APBB2: variants seen among roughly 807,000 people sequenced by gnomAD.
APBB2 encodes the protein amyloid beta precursor protein binding family B member 2, also known as Fe65-like 1.
A neutral mutation model predicts 82.5 loss-of-function variants in APBB2; 38 were observed. The ratio of observed to expected loss-of-function variants is 0.46; its 90% CI spans 0.36 to 0.60. APBB2 has a LOEUF of 0.60. Ranked by LOEUF, APBB2 falls within the 20% of genes least tolerant of loss-of-function variation. The pLI is 0.00. For missense variants in APBB2, 772 were observed against 972.3 expected, an observed-to-expected ratio of 0.79 and a Z score of 2.74; for synonymous variants, 341 against 368.2, an observed-to-expected ratio of 0.93 and a Z score of 0.85.
At chr4:40,927,861 G>GT (rs1783026562) in intron 10 of APBB2, among the ~76,000 whole-genome samples, 1 of 152,190 alleles carries the variant, frequency 6.6e-6, no homozygotes, top group African/African-American at 2.4e-5. Context: ...TCTGAGCGGA[G>GT]TTACACAAAG....
At chr4:40,914,616 A>G (rs1779400504) in intron 10 of APBB2, among the ~76,000 whole-genome samples, 1 of 152,214 alleles carries the variant, frequency 6.6e-6, no homozygotes, top group South Asian at 2.1e-4. Context: ...ATGGAAACAC[A>G]TAAAACAAGG....
In APBB2 at chr4:40,843,222, A is replaced by G. The variant is rs1018325214; in HGVS notation, c.1530-12645T>C. Among the ~76,000 whole-genome samples, 4 of 152,324 alleles carry G rather than the reference A, an allele frequency of 2.6e-5. No homozygotes were observed. In the East Asian group the frequency reaches 7.7e-4, roughly 29 times the overall value. ...TAACGAGGAGGAAAGGAAGAAACCC[A>G]ATGTTTACAGAAACCCGTTCTCTCG... On this transcript the variant is annotated intron_variant, in intron 12 of 17. Coordinates refer to ENST00000508593, the MANE Select transcript of APBB2 (RefSeq NM_004307.2).
Position 40,838,136 on chromosome 4 carries a change from C to CATTATT in APBB2, c.1530-7565_1530-7560dup, listed in dbSNP as rs68050698. 2.7e-3 allele frequency among the ~76,000 whole-genome samples: 390 copies of CATTATT among 142,170 alleles called. 2 individuals are homozygous for CATTATT. Among genetic ancestry groups the CATTATT allele is most frequent in the Middle Eastern group, 7.2e-3 (2 of 276 alleles). 93.3% of individuals were successfully genotyped at this position (142,170 alleles called of 152,430 possible). On this transcript the variant is annotated intron_variant, in intron 12 of 17. Transcript: ENST00000508593. ...ATAAATGATTCTTTATTCAAGTGGG[C>CATTATT]ATTATTATTATTATTATTATTATTA...
intron 6 of APBB2, among the ~76,000 whole-genome samples, chr4:41,007,410 C>T (rs756567834): frequency 3.9e-5 from 6 of 152,064 alleles, no homozygotes; most frequent in South Asian, 2.1e-4. Context: ...TCAGGTATTT[C>T]GTTATAGCAA....
intron 6 of APBB2, among the ~76,000 whole-genome samples, chr4:40,955,765 T>C (rs1463223430): frequency 1.3e-5 from 2 of 151,768 alleles, no homozygotes; most frequent in Non-Finnish European, 2.9e-5. Context: ...AACCAAAACA[T>C]ATTTTTCTTT....
Position 40,813,460 on chromosome 4 carries a change from C to G in APBB2, c.*2632G>C, listed in dbSNP as rs975585812. 5 of 152,170 alleles carry G rather than the reference C, an allele frequency of 3.3e-5. No individual in the cohort carries two copies. Among genetic ancestry groups the G allele is most frequent in the African/African-American group, 9.6e-5 (4 of 41,454 alleles). The allele number at this position is 152,170 out of a possible 1,614,324, so 9.4% of individuals were successfully genotyped here. ...AGATATCAGGTAAAACATTGGCATC[C>G]TTTTACAAACAAATACACACATACT... On this transcript the variant is annotated 3_prime_UTR_variant, in exon 18 of 18. Transcript: ENST00000508593.
chr4:40,948,070 T>C (rs1333744806), intron 6 of APBB2, among the ~76,000 whole-genome samples: 3 of 152,212 alleles, frequency 2.0e-5, no homozygotes, highest in African/African-American at 7.2e-5. Context: ...CTTGATGGCA[T>C]ATGTGAACGT....
chr4:40,893,093 TA>T, intron 11 of APBB2, 171 bp downstream of exon 11: 1 of 680,008 alleles, frequency 1.5e-6, no homozygotes, highest in Non-Finnish European at 2.4e-6. Context: ...CTGGCAGTGC[TA>T]AGGGATCAGT....
rs1194282599 is a variant in APBB2 at position 40,832,945 on chromosome 4, G to T, written c.1530-2368C>A. On this transcript the variant is annotated intron_variant, in intron 12 of 17. Transcript: ENST00000508593. The surrounding 1 kb of genome is among the most constrained non-coding windows in gnomAD (Gnocchi z 4.8). ...TTGCTCAGTACTGAATGGGTTCCAC[G>T]ACTGGGCTCGGGGGTGGGTTGGGGC... Among the ~76,000 whole-genome samples, 1 of 152,122 alleles carries T rather than the reference G, an allele frequency of 6.6e-6. No individual in the cohort carries two copies. The highest frequency in any genetic ancestry group is 1.5e-5 in the Non-Finnish European group (1 of 68,030).
At chr4:41,162,390 A>AT (rs1765405906) in intron 1 of APBB2, among the ~76,000 whole-genome samples, 1 of 152,030 alleles carries the variant, frequency 6.6e-6, no homozygotes, top group Non-Finnish European at 1.5e-5. Context: ...CAATTGTACC[A>AT]TGGGGACGAT....
At chr4:41,109,138 C>T (rs1748268405) in intron 2 of APBB2, among the ~76,000 whole-genome samples, 1 of 152,116 alleles carries the variant, frequency 6.6e-6, no homozygotes, top group African/African-American at 2.4e-5. Context: ...CCATGGTTCT[C>T]GCTGTAATCC....
intron 2 of APBB2, among the ~76,000 whole-genome samples, chr4:41,117,051 C>T (rs1751221836): frequency 6.6e-6 from 1 of 152,000 alleles, no homozygotes; most frequent in African/African-American, 2.4e-5. Context: ...AAATGTTGCC[C>T]TCTCTAGGAA....
intron 1 of APBB2, among the ~76,000 whole-genome samples, chr4:41,201,138 T>C (rs1336251430): frequency 6.6e-6 from 1 of 152,224 alleles, no homozygotes; most frequent in Non-Finnish European, 1.5e-5. Flanking sequence ...ACCTTTATAA[T>C]TCCTATAGGA....
At chr4:41,047,001 T>A (rs1023307384) in intron 4 of APBB2, among the ~76,000 whole-genome samples, 1 of 152,232 alleles carries the variant, frequency 6.6e-6, no homozygotes, top group African/African-American at 2.4e-5. Flanking sequence ...TAGCCTGCCT[T>A]GGTAGTGAGA....
At chr4:41,023,355 G>T (rs1712540586) in intron 5 of APBB2, among the ~76,000 whole-genome samples, 1 of 152,136 alleles carries the variant, frequency 6.6e-6, no homozygotes, top group Non-Finnish European at 1.5e-5. Flanking sequence ...ACGCCTTGAG[G>T]AAAGTGACTA....
At chr4:41,040,718 C>T (rs1721023794) in intron 4 of APBB2, among the ~76,000 whole-genome samples, 1 of 152,082 alleles carries the variant, frequency 6.6e-6, no homozygotes, top group Non-Finnish European at 1.5e-5. Flanking sequence ...ATTCTCACCA[C>T]ATTACTAGGG....
intron 2 of APBB2, among the ~76,000 whole-genome samples, chr4:41,139,858 TC>T (rs1192968364): frequency 6.6e-6 from 1 of 152,172 alleles, no homozygotes; most frequent in Non-Finnish European, 1.5e-5. Context: ...TTATGAAAGC[TC>T]ATAGAACATA....
In APBB2 at chr4:40,907,801, A is replaced by G. The variant is rs557398169; in HGVS notation, c.1255-14390T>C. ...CCTCCCCTGAGTAGACGGGACTACA[A>G]GTGTGCACCACCATGCCTGCTAATT... On this transcript the variant is annotated intron_variant, in intron 10 of 17. Coordinates refer to ENST00000508593, the MANE Select transcript of APBB2 (RefSeq NM_004307.2). Among the ~76,000 whole-genome samples, 167 of 150,844 alleles carry G rather than the reference A, an allele frequency of 1.1e-3. 1 individual carries two copies. Among genetic ancestry groups the G allele is most frequent in the Middle Eastern group, 3.5e-3 (1 of 286 alleles).
intron 1 of APBB2, among the ~76,000 whole-genome samples, chr4:41,194,971 C>T: frequency 6.6e-6 from 1 of 152,126 alleles, no homozygotes; most frequent in Admixed American, 6.5e-5. Flanking sequence ...GATCATACCT[C>T]TCCCTTGAAT....
Sources: allele counts gnomAD v4.1 joint callset (sites outside exome capture counted in the v4.1 genomes callset), GRCh38; gene constraint gnomAD v4.1.1; non-coding constraint Gnocchi (gnomAD v3.1); transcripts MANE v1.5; gene names NCBI Gene and HGNC (gene_info 2026-07-23, HGNC 2026-07-21).